F13A1: variants seen among roughly 807,000 people sequenced by gnomAD.
F13A1 encodes coagulation factor XIII A chain.
Under a neutral mutation model 80.1 loss-of-function variants are expected in F13A1, and 47 were observed. The observed-to-expected ratio is 0.59, with a 90% CI of 0.46 to 0.75. F13A1 has a LOEUF of 0.75. Ranked by LOEUF, F13A1 falls within the 30% of genes least tolerant of loss-of-function variation. The pLI is 0.00. For synonymous variants in F13A1, 349 were observed against 344.9 expected (o/e 1.01, Z -0.13); for missense variants, 817 against 930.4 (o/e 0.88, Z 1.59).
intron 3 of F13A1, among the ~76,000 whole-genome samples, chr6:6,285,878 C>T (rs1209568615): frequency 6.6e-6 from 1 of 152,208 alleles, no homozygotes; most frequent in East Asian, 1.9e-4. Flanking sequence ...CAGGCATGCG[C>T]ACTAAGAGCC....
chr6:6,251,801 C>T (rs552125576), intron 4 of F13A1, among the ~76,000 whole-genome samples: 3 of 152,174 alleles, frequency 2.0e-5, no homozygotes, highest in South Asian at 2.1e-4. Context: ...AATGAAGTAA[C>T]GAATTGAGGC....
At chr6:6,178,190 T>C (rs1367742757) in intron 11 of F13A1, among the ~76,000 whole-genome samples, 1 of 151,976 alleles carries the variant, frequency 6.6e-6, no homozygotes, top group African/African-American at 2.4e-5. Context: ...GAGCAAGTAT[T>C]TTTCCAGGAG....
At chr6:6,286,362 G>A (rs1758140296) in intron 3 of F13A1, among the ~76,000 whole-genome samples, 1 of 152,170 alleles carries the variant, frequency 6.6e-6, no homozygotes, top group Admixed American at 6.5e-5. Flanking sequence ...CTCCAGCCTG[G>A]GTGACAGAGC....
chr6:6,232,991 A>G (rs1757372220), intron 6 of F13A1, among the ~76,000 whole-genome samples: 1 of 152,158 alleles, frequency 6.6e-6, no homozygotes, highest in East Asian at 1.9e-4. Flanking sequence ...AAAGGCCTAC[A>G]GAAAAAAGAC....
At chr6:6,271,205 T>G (rs552046682) in intron 3 of F13A1, among the ~76,000 whole-genome samples, 16 of 152,222 alleles carry the variant, frequency 1.1e-4, no homozygotes, top group Non-Finnish European at 2.1e-4. Flanking sequence ...GGGACTGCTC[T>G]ATTACACCCA....
chr6:6,220,552 T>C (rs1483911885), intron 8 of F13A1, among the ~76,000 whole-genome samples: 1 of 149,430 alleles, frequency 6.7e-6, no homozygotes, highest in Non-Finnish European at 1.5e-5. Flanking sequence ...TGTGTGTGTG[T>C]GTCTGTGTGT....
At position 6,145,270 on chromosome 6, in the gene F13A1, A is replaced by G. The variant is rs938440195; in HGVS notation, c.*349T>C. 5.9e-6 allele frequency: 2 copies of G among 338,408 alleles called. No individual in the cohort carries two copies. The highest frequency in any genetic ancestry group is 4.3e-5 in the African/African-American group (2 of 46,788). 21.0% of individuals were successfully genotyped at this position (338,408 alleles called of 1,614,324 possible). On this transcript the variant is annotated 3_prime_UTR_variant, in exon 15 of 15. Transcript: ENST00000264870. ...CTGAAGTCTTGTTTTAAATGAGGCC[A>G]GGTATTGAGCAAATCTCCCTGGTAA...
chr6:6,160,169 T>C (rs7758488), intron 13 of F13A1, among the ~76,000 whole-genome samples: 77,736 of 150,066 alleles, frequency 0.52, 21,352 homozygotes, highest in African/African-American at 0.73. Context: ...CCCAGCTACT[T>C]GGGAGACTGA....
At chr6:6,316,258 ATATG>A (rs1372971097) in intron 2 of F13A1, among the ~76,000 whole-genome samples, 4 of 150,430 alleles carry the variant, frequency 2.7e-5, no homozygotes, top group Non-Finnish European at 4.4e-5. Flanking sequence ...AAATGAATGC[ATATG>A]TATGAAATCT....
At chr6:6,158,064 C>T (rs917015696) in intron 13 of F13A1, among the ~76,000 whole-genome samples, 2 of 152,094 alleles carry the variant, frequency 1.3e-5, no homozygotes, top group African/African-American at 4.8e-5. Context: ...TGAAAGTAGC[C>T]ACGAGGGGAT....
intron 12 of F13A1, among the ~76,000 whole-genome samples, chr6:6,168,357 C>A (rs1760713655): frequency 6.6e-6 from 1 of 152,182 alleles, no homozygotes; most frequent in African/African-American, 2.4e-5. Context: ...CTCCAATTAC[C>A]ATCTGGGCTG....
At chr6:6,251,012 T>C (rs1486152995) in intron 4 of F13A1, 83 bp from the exon 5 acceptor site, 5 of 1,098,496 alleles carry the variant, frequency 4.6e-6, no homozygotes, top group Non-Finnish European at 7.0e-6. Flanking sequence ...TTTATTTTGT[T>C]TCTAAACTAC....
chr6:6,202,375 A>G (rs1368684790), intron 8 of F13A1, among the ~76,000 whole-genome samples: 1 of 152,084 alleles, frequency 6.6e-6, no homozygotes, highest in Non-Finnish European at 1.5e-5. Flanking sequence ...CTACTTTGGG[A>G]GCTCTGTTGG....
intron 12 of F13A1, 63 bp from the exon 13 acceptor site, chr6:6,167,681 T>C (rs1446358971): frequency 1.3e-6 from 2 of 1,579,130 alleles, no homozygotes; most frequent in Non-Finnish European, 1.7e-6. Context: ...GCTTTACTTT[T>C]CTCCAAGTTT....
At chr6:6,272,622 AG>A (rs936834943) in intron 3 of F13A1, among the ~76,000 whole-genome samples, 1 of 152,226 alleles carries the variant, frequency 6.6e-6, no homozygotes, top group Non-Finnish European at 1.5e-5. Flanking sequence ...TAGGAGAGCC[AG>A]GGTCACAACC....
chr6:6,179,888 AC>A (rs926314118), intron 11 of F13A1, among the ~76,000 whole-genome samples: 1 of 151,446 alleles, frequency 6.6e-6, no homozygotes, highest in Non-Finnish European at 1.5e-5. Context: ...TTTGTTATCC[AC>A]CCCCAGCCAA....
intron 2 of F13A1, among the ~76,000 whole-genome samples, chr6:6,312,372 T>C (rs1050117951): frequency 1.1e-4 from 16 of 151,712 alleles, no homozygotes; most frequent in African/African-American, 3.4e-4. Flanking sequence ...GTATAATCTC[T>C]TAAAAGTGCG....
chr6:6,212,795 A>G (rs1426447486), intron 8 of F13A1, among the ~76,000 whole-genome samples: 4 of 152,136 alleles, frequency 2.6e-5, no homozygotes, highest in Non-Finnish European at 5.9e-5. Flanking sequence ...AATTTAGAAG[A>G]ATGTATAACT....
At chr6:6,151,351 GCACC>G (rs979863933) in intron 14 of F13A1, among the ~76,000 whole-genome samples, 4 of 152,128 alleles carry the variant, frequency 2.6e-5, no homozygotes, top group Non-Finnish European at 4.4e-5. Flanking sequence ...TGGAGACAAA[GCACC>G]CATGAAAAGG....
Sources: gnomAD v4.1 joint callset for allele counts (sites outside exome capture counted in the v4.1 genomes callset) on GRCh38, gnomAD v4.1.1 for gene constraint, MANE v1.5 for transcripts, NCBI Gene and HGNC (gene_info 2026-07-23, HGNC 2026-07-21) for gene names.